Variants in COL22A1 observed in about 807,000 individuals in gnomAD.
COL22A1 encodes the protein collagen alpha-1(XXII) chain.
A neutral mutation model predicts 248.9 loss-of-function variants in COL22A1; 221 were observed. That is an observed-to-expected ratio of 0.89 (90% CI 0.80 to 0.99). The LOEUF (loss-of-function observed/expected upper bound fraction) is 0.99, where lower values mean the gene tolerates loss of function less well. Ranked by LOEUF, COL22A1 falls within the 50% of genes least tolerant of loss-of-function variation. COL22A1 has a pLI of 0.00. For synonymous variants in COL22A1, 891 were observed against 793.4 expected (o/e 1.12, Z -2.07); for missense variants, 2,240 against 2,179.0 (o/e 1.03, Z -0.56).
At chr8:138,726,525 A>G (rs1052712338) in intron 23 of COL22A1, among the ~76,000 whole-genome samples, 2 of 150,830 alleles carry the variant, frequency 1.3e-5, no homozygotes, top group Non-Finnish European at 3.0e-5. Flanking sequence ...AAAGAAAAAA[A>G]GACAAATGGC....
intron 9 of COL22A1, among the ~76,000 whole-genome samples, chr8:138,808,696 T>C (rs548944814): frequency 5.3e-5 from 8 of 152,330 alleles, no homozygotes; most frequent in African/African-American, 1.9e-4. Context: ...CAGCAGTACA[T>C]CCATTTATGT....
rs145946202 is a variant in COL22A1, at chr8:138,589,349, G to A, written c.4785C>T (p.Leu1595=). 4.5e-4 allele frequency: 725 copies of A among 1,611,650 alleles called. No homozygotes were observed. The highest frequency in any genetic ancestry group is 5.1e-4 in the Non-Finnish European group (603 of 1,178,882). ...GETGPAGHPG[L]PGPPGPPGQC... ...GGCCTGGGGGACCGGGAGGTCCTGG[G>A]AGGCCAGGATGTCCAGCTGGTCCTG... Residue 1595 remains leucine, a synonymous_variant, in exon 65 of 65, where the codon CTC becomes CTT. Transcript: ENST00000303045.
chr8:138,675,315 A>G (rs989294268), intron 41 of COL22A1, among the ~76,000 whole-genome samples: 4 of 152,178 alleles, frequency 2.6e-5, no homozygotes, highest in African/African-American at 9.7e-5. Flanking sequence ...TTCACAAGTA[A>G]TATTTTGGGT....
chr8:138,659,084 A>C (rs1181280202), intron 44 of COL22A1, among the ~76,000 whole-genome samples: 1 of 152,176 alleles, frequency 6.6e-6, no homozygotes. Context: ...CTCTCCCTGC[A>C]CTTCACCAGA....
chr8:138,714,267 C>T (rs943761287), intron 30 of COL22A1, among the ~76,000 whole-genome samples: 1 of 152,132 alleles, frequency 6.6e-6, no homozygotes, highest in Non-Finnish European at 1.5e-5. Context: ...GCTCTTTTCA[C>T]GTGCAAAACA....
intron 1 of COL22A1, among the ~76,000 whole-genome samples, chr8:138,912,384 G>T (rs1815510499): frequency 6.6e-6 from 1 of 152,182 alleles, no homozygotes; most frequent in Non-Finnish European, 1.5e-5. Context: ...TCCATGATTT[G>T]CCTGGTAGAA....
At chr8:138,880,469 G>C (rs1040032204) in intron 2 of COL22A1, among the ~76,000 whole-genome samples, 1 of 152,124 alleles carries the variant, frequency 6.6e-6, no homozygotes, top group Non-Finnish European at 1.5e-5. Context: ...TCTTATATTT[G>C]CAAGCAATAA....
At chr8:138,718,538 C>T (rs558495297) in intron 27 of COL22A1, among the ~76,000 whole-genome samples, 9 of 152,344 alleles carry the variant, frequency 5.9e-5, no homozygotes, top group African/African-American at 1.7e-4. Flanking sequence ...GTCAATGCCT[C>T]TGCTCATCCC....
Position 138,589,065 on chromosome 8 carries a change from G to T in COL22A1, c.*188C>A. On this transcript the variant is annotated 3_prime_UTR_variant, in exon 65 of 65. Coordinates refer to ENST00000303045, the MANE Select transcript of COL22A1 (RefSeq NM_152888.3). The stretch of plus-strand genomic sequence containing the variant: ...CAATAATATTAATAATAATCTGACC[G>T]ACCGGCAGCGTCTGTTGGATTTAAT... The T allele has an allele frequency of 1.7e-6, 1 of 580,624 alleles. No homozygotes were observed. The highest frequency in any genetic ancestry group is 3.0e-6 in the Non-Finnish European group (1 of 328,672). The allele number at this position is 580,624 out of a possible 1,614,324, so 36.0% of individuals were successfully genotyped here. A position where few individuals can be genotyped will look rare whatever the true frequency, so the allele number is the denominator to read the frequency against.
intron 59 of COL22A1, among the ~76,000 whole-genome samples, chr8:138,602,839 T>C (rs1023145813): frequency 6.6e-6 from 1 of 152,218 alleles, no homozygotes; most frequent in African/African-American, 2.4e-5. Flanking sequence ...ATCTCCTCTC[T>C]AAAGCATTGA....
chr8:138,691,819 T>A (rs1302656148), intron 35 of COL22A1, among the ~76,000 whole-genome samples: 2 of 149,924 alleles, frequency 1.3e-5, no homozygotes, highest in African/African-American at 4.9e-5. Flanking sequence ...TGTGTGCATG[T>A]TTGTGGAGGT....
intron 7 of COL22A1, among the ~76,000 whole-genome samples, chr8:138,819,314 G>A (rs1452168014): frequency 6.6e-6 from 1 of 152,004 alleles, no homozygotes; most frequent in Non-Finnish European, 1.5e-5. Flanking sequence ...AATATGTAAA[G>A]GTTATCTAGA....
intron 1 of COL22A1, among the ~76,000 whole-genome samples, chr8:138,904,243 T>C (rs1814826744): frequency 6.6e-6 from 1 of 152,136 alleles, no homozygotes; most frequent in African/African-American, 2.4e-5. Flanking sequence ...CCTTTCATCT[T>C]TGATTGACAA....
rs1401328844 is a variant in COL22A1, at chr8:138,694,853, C to G, written c.2619G>C (p.Lys873Asn). Residue 873 changes from lysine to asparagine, a missense_variant, in exon 33 of 65, where the codon AAG becomes AAC. Physicochemically the swap from Lys to Asn is moderately conservative, Grantham distance 94. Coordinates refer to ENST00000303045, the MANE Select transcript of COL22A1 (RefSeq NM_152888.3). ...MPGEQGPKGE[K>N]GDPGLPGEPG... is the part of the protein sequence containing the mutation. ...GTTCCCCAGGCAGGCCTGGATCGCC[C>G]TTCTCTCCTTTGGGCCCTTGTTCTC... The G allele has an allele frequency of 2.5e-6, 4 of 1,614,090 alleles. No individual in the cohort carries two copies. In the African/African-American group the frequency reaches 4.0e-5, roughly 16 times the overall value.
chr8:138,659,275 C>T (rs10102532), intron 44 of COL22A1, among the ~76,000 whole-genome samples: 15,598 of 152,144 alleles, frequency 0.1, 987 homozygotes, highest in African/African-American at 0.17. Flanking sequence ...TAATGGCAGA[C>T]CAGGATCCCT....
chr8:138,743,215 G>GGTGATA (rs1405611399), intron 22 of COL22A1, among the ~76,000 whole-genome samples: 5 of 151,622 alleles, frequency 3.3e-5, no homozygotes, highest in African/African-American at 9.7e-5. Context: ...TAGAGTTGAT[G>GGTGATA]GTGATAGTAG....
chr8:138,623,738 T>C lies in COL22A1; in HGVS notation c.3765A>G (p.Gly1255=). ...EGRDGKPGPP[G]EPGKAGEPGL... ...GAAGTTTAGAGTCCTTTACCGGCTCTCCAGGGGGACCCGGCTTTCCATCTC... is the reference window on the plus strand; with the variant it reads ...GAAGTTTAGAGTCCTTTACCGGCTCCCCAGGGGGACCCGGCTTTCCATCTC... The change falls in exon 52 of 65, where the codon GGA becomes GGG. Residue 1255 remains glycine, a synonymous_variant. Transcript: ENST00000303045. 1.2e-6 allele frequency: 2 copies of C among 1,612,316 alleles called. No homozygotes were observed. Among genetic ancestry groups the C allele is most frequent in the African/African-American group, 1.3e-5 (1 of 74,898 alleles).
At chr8:138,856,961 G>T (rs1436998375) in intron 3 of COL22A1, among the ~76,000 whole-genome samples, 3 of 152,076 alleles carry the variant, frequency 2.0e-5, no homozygotes, top group African/African-American at 4.8e-5. Flanking sequence ...CACCTTTCCT[G>T]CATGTCCCCA....
At chr8:138,649,501 C>T (rs1305114246) in intron 46 of COL22A1, among the ~76,000 whole-genome samples, 164 bp downstream of exon 46, 3 of 152,312 alleles carry the variant, frequency 2.0e-5, no homozygotes, top group African/African-American at 7.2e-5. Context: ...CCACTTCCTA[C>T]CATTTCCATA....
Sources: gnomAD v4.1 joint callset for allele counts (sites outside exome capture counted in the v4.1 genomes callset) on GRCh38, gnomAD v4.1.1 for gene constraint, MANE v1.5 for transcripts, NCBI Gene and HGNC (gene_info 2026-07-23, HGNC 2026-07-21) for gene names.